The following TAFA2 variants were observed in gnomAD, a reference collection of about 807,000 sequenced individuals.
The protein encoded by TAFA2 is chemokine-like protein TAFA-2.
In TAFA2, 7 loss-of-function variants were observed where a neutral mutation model predicts 18.8. The ratio of observed to expected loss-of-function variants is 0.37; its 90% confidence interval spans 0.21 to 0.70. The LOEUF is 0.70. Ranked by LOEUF, TAFA2 falls within the 30% of genes least tolerant of loss-of-function variation. TAFA2 has a pLI of 0.53. For synonymous variants in TAFA2, 60 were observed against 54.2 expected (o/e 1.11, Z -0.47); for missense variants, 122 against 158.1 (o/e 0.77, Z 1.23).
intron 1 of TAFA2, among the ~76,000 whole-genome samples, chr12:62,160,061 G>C (rs1055776959): frequency 6.6e-5 from 10 of 152,118 alleles, no homozygotes; most frequent in African/African-American, 9.7e-5. Context: ...CATCATCTGC[G>C]TGCCAGTTCC....
chr12:62,132,158 T>C (rs1870713400), intron 1 of TAFA2, among the ~76,000 whole-genome samples: 2 of 151,904 alleles, frequency 1.3e-5, no homozygotes, highest in East Asian at 3.9e-4. Flanking sequence ...TCTCCCCAAA[T>C]TAACTTCCTT....
chr12:62,001,681 C>G (rs1880380359), intron 1 of TAFA2, among the ~76,000 whole-genome samples: 1 of 152,114 alleles, frequency 6.6e-6, no homozygotes, highest in African/African-American at 2.4e-5. Context: ...CACTTGCCCT[C>G]CTGCTGCTCA....
intron 1 of TAFA2, among the ~76,000 whole-genome samples, chr12:62,222,502 T>A (rs2062767279): frequency 6.6e-6 from 1 of 151,106 alleles, no homozygotes; most frequent in South Asian, 2.1e-4. Flanking sequence ...GGATATTATT[T>A]ATTATTATTA....
chr12:61,798,079 T>C (rs1157334874), intron 2 of TAFA2, among the ~76,000 whole-genome samples: 1 of 152,324 alleles, frequency 6.6e-6, no homozygotes, highest in South Asian at 2.1e-4. Context: ...TAGATGCTGA[T>C]TGGCTAAATT....
At chr12:62,251,591 G>A (rs914274282) in intron 1 of TAFA2, among the ~76,000 whole-genome samples, 9 of 152,136 alleles carry the variant, frequency 5.9e-5, no homozygotes, top group African/African-American at 1.9e-4. Flanking sequence ...GTGCTCTCAG[G>A]ATCAACACTT....
intron 1 of TAFA2, among the ~76,000 whole-genome samples, chr12:62,072,690 G>T (rs1299166992): frequency 6.6e-6 from 1 of 152,118 alleles, no homozygotes; most frequent in African/African-American, 2.4e-5. Flanking sequence ...GGAGGCTGAG[G>T]TAGAAGAATC....
intron 1 of TAFA2, among the ~76,000 whole-genome samples, chr12:62,254,077 T>C (rs2062927223): frequency 1.3e-5 from 2 of 152,206 alleles, no homozygotes; most frequent in Non-Finnish European, 2.9e-5. Flanking sequence ...CTCTTTGTAA[T>C]TGTGTTTCTT....
intron 4 of TAFA2, among the ~76,000 whole-genome samples, chr12:61,716,895 T>C (rs1592340669): frequency 6.6e-6 from 1 of 152,192 alleles, no homozygotes. Flanking sequence ...GATGGCTGCT[T>C]AATAACATCA....
chr12:61,788,737 A>T (rs1271620904), intron 2 of TAFA2, among the ~76,000 whole-genome samples: 1 of 151,812 alleles, frequency 6.6e-6, no homozygotes, highest in Non-Finnish European at 1.5e-5. Flanking sequence ...AATATAAAGG[A>T]TCATGAGAAA....
intron 2 of TAFA2, among the ~76,000 whole-genome samples, chr12:61,802,792 ATAAT>A (rs2120977453): frequency 6.6e-6 from 1 of 152,168 alleles, no homozygotes; most frequent in East Asian, 1.9e-4. Flanking sequence ...AATGAATATA[ATAAT>A]TACTTTTATT....
intron 1 of TAFA2, among the ~76,000 whole-genome samples, chr12:62,231,863 G>A (rs1592411624): frequency 6.6e-6 from 1 of 152,088 alleles, no homozygotes; most frequent in East Asian, 1.9e-4. Flanking sequence ...AAATGTATTA[G>A]TACATTATTT....
intron 1 of TAFA2, among the ~76,000 whole-genome samples, chr12:62,190,222 T>C (rs2062613918): frequency 6.6e-6 from 1 of 152,144 alleles, no homozygotes; most frequent in Non-Finnish European, 1.5e-5. Context: ...AAGCCTCGCG[T>C]CCACCCAAAG....
At chr12:61,724,825 T>TATATACACCAGATGGGTGTATATAC (rs1483274427) in intron 4 of TAFA2, among the ~76,000 whole-genome samples, 1 of 150,498 alleles carries the variant, frequency 6.6e-6, no homozygotes, top group African/African-American at 2.4e-5. Context: ...GGTGTATATG[T>TATATACACCAGATGGGTGTATATAC]ATATACACCC....
At chr12:61,908,193 T>G (rs1876446135) in intron 1 of TAFA2, among the ~76,000 whole-genome samples, 1 of 152,146 alleles carries the variant, frequency 6.6e-6, no homozygotes, top group African/African-American at 2.4e-5. Flanking sequence ...TGATATGGTT[T>G]GTGTCCCCAC....
At chr12:61,975,251 A>G (rs1879388210) in intron 1 of TAFA2, among the ~76,000 whole-genome samples, 1 of 151,694 alleles carries the variant, frequency 6.6e-6, no homozygotes, top group African/African-American at 2.4e-5. Context: ...TATTCATCTG[A>G]TATAAGATAT....
intron 4 of TAFA2, among the ~76,000 whole-genome samples, chr12:61,714,852 T>C (rs7485781): frequency 0.019 from 2,882 of 152,310 alleles, 85 homozygotes; most frequent in African/African-American, 0.064. Context: ...TCCTGCTGAC[T>C]AGGTTATCCG....
chr12:61,921,561 T>C (rs1877056131), intron 1 of TAFA2, among the ~76,000 whole-genome samples: 1 of 151,976 alleles, frequency 6.6e-6, no homozygotes, highest in South Asian at 2.1e-4. Flanking sequence ...TGTGGTGTGG[T>C]GGGGTATGAT....
chr12:62,234,586 A>T (rs1474967714), intron 1 of TAFA2: 1 of 827,632 alleles, frequency 1.2e-6, no homozygotes, highest in South Asian at 1.3e-5. Context: ...GAAAGACCAT[A>T]AACACCTTTC....
chr12:61,906,855 C>T (rs2124536), intron 1 of TAFA2, among the ~76,000 whole-genome samples: 17,738 of 152,178 alleles, frequency 0.12, 1,250 homozygotes, highest in South Asian at 0.18. Context: ...AAGAGACTGG[C>T]AGAATTTTGC....
Sources: allele counts gnomAD v4.1 joint callset (sites outside exome capture counted in the v4.1 genomes callset), GRCh38; gene constraint gnomAD v4.1.1; transcripts MANE v1.5; gene names NCBI Gene and HGNC (gene_info 2026-07-23, HGNC 2026-07-21).